CPEB3: variants seen among roughly 807,000 people sequenced by gnomAD.
The protein encoded by CPEB3 is cytoplasmic polyadenylation element-binding protein 3.
CPEB3 carries 20 observed loss-of-function variants against 67.2 expected under a neutral mutation model. That is an observed-to-expected ratio of 0.30 (90% confidence interval 0.21 to 0.43). The LOEUF (loss-of-function observed/expected upper bound fraction) is 0.43, where lower values mean the gene tolerates loss of function less well. CPEB3 is among the 20% of genes least tolerant of loss of function. CPEB3 has a pLI of 1.00. For synonymous variants in CPEB3, 376 were observed against 393.1 expected, an observed-to-expected ratio of 0.96 and a Z score of 0.51; for missense variants, 746 against 968.6, an observed-to-expected ratio of 0.77 and a Z score of 3.05.
intron 4 of CPEB3, among the ~76,000 whole-genome samples, chr10:92,174,852 A>G (rs1848153669): frequency 6.6e-6 from 1 of 152,188 alleles, no homozygotes; most frequent in Admixed American, 6.5e-5. Context: ...TTATATTACA[A>G]AGCTATGATC....
chr10:92,099,496 T>C (rs772748903), intron 7 of CPEB3, among the ~76,000 whole-genome samples: 3 of 152,022 alleles, frequency 2.0e-5, no homozygotes, highest in African/African-American at 7.2e-5. Flanking sequence ...TATGATAACA[T>C]CATTTCCTAA....
chr10:92,207,587 C>T (rs560735367), intron 2 of CPEB3, among the ~76,000 whole-genome samples: 6 of 152,212 alleles, frequency 3.9e-5, no homozygotes, highest in South Asian at 2.1e-4. Context: ...TTAATCACCA[C>T]GCAGCCAGGC....
At chr10:92,176,330 T>A (rs930259681) in intron 4 of CPEB3, among the ~76,000 whole-genome samples, 4 of 152,212 alleles carry the variant, frequency 2.6e-5, no homozygotes, top group Non-Finnish European at 5.9e-5. Flanking sequence ...AATATATATA[T>A]AACCACTTTC....
chr10:92,213,189 C>A (rs148242677), intron 2 of CPEB3, among the ~76,000 whole-genome samples: 14 of 152,184 alleles, frequency 9.2e-5, no homozygotes, highest in African/African-American at 3.4e-4. Flanking sequence ...AGTACCCTAA[C>A]TTCTCCCATC....
At chr10:92,149,508 G>A (rs1015978185) in intron 4 of CPEB3, among the ~76,000 whole-genome samples, 1 of 152,180 alleles carries the variant, frequency 6.6e-6, no homozygotes, top group Non-Finnish European at 1.5e-5. Flanking sequence ...TTTCTGCATG[G>A]CCAACATAAC....
At chr10:92,106,158 G>T (rs1030103832) in intron 7 of CPEB3, among the ~76,000 whole-genome samples, 14 of 151,594 alleles carry the variant, frequency 9.2e-5, no homozygotes, top group South Asian at 8.3e-4. Flanking sequence ...CTCCCAAAGT[G>T]CTGGGATTAC....
chr10:92,065,342 G>A lies in CPEB3; in HGVS notation c.1870-12903C>T, dbSNP rs537143976. Among the ~76,000 whole-genome samples the A allele has an allele frequency of 1.6e-4, 25 of 152,194 alleles. No homozygotes were observed. In the East Asian group the frequency reaches 2.5e-3, roughly 15 times the overall value. ...TTCAAGTGATTCTCGTGCATCAGCC[G>A]CCCGAGTAGCTGGAATTACAGGCAT... is the stretch of plus-strand genomic sequence containing the variant. On this transcript the variant is annotated intron_variant, in intron 9 of 9. Transcript: ENST00000265997.
intron 2 of CPEB3, chr10:92,204,156 G>C (rs1446029635): frequency 1.3e-5 from 2 of 151,994 alleles, no homozygotes. Flanking sequence ...AGCATCACTG[G>C]GCCGTAAAAG....
chr10:92,058,578 T>TACAA (rs1564745054), intron 9 of CPEB3, among the ~76,000 whole-genome samples: 1 of 120,742 alleles, frequency 8.3e-6, no homozygotes, highest in African/African-American at 2.8e-5. Flanking sequence ...CATACATACA[T>TACAA]ACATACATAC....
intron 7 of CPEB3, among the ~76,000 whole-genome samples, chr10:92,107,092 G>A (rs1844511782): frequency 6.6e-6 from 1 of 152,056 alleles, no homozygotes; most frequent in Non-Finnish European, 1.5e-5. Flanking sequence ...GGGGGAGGAG[G>A]AAACACCAGA....
chr10:92,137,134 G>C (rs1292488067), intron 6 of CPEB3: 1 of 329,388 alleles, frequency 3.0e-6, no homozygotes, highest in Non-Finnish European at 5.9e-6. Context: ...GCAGTAGATT[G>C]AATTAGATCT....
At chr10:92,262,700 A>C (rs1852858808) in intron 1 of CPEB3, among the ~76,000 whole-genome samples, 1 of 152,152 alleles carries the variant, frequency 6.6e-6, no homozygotes, top group Non-Finnish European at 1.5e-5. Flanking sequence ...TTTTTAAAAA[A>C]TAAATAAATA....
chr10:92,078,588 C>T (rs7084059), intron 9 of CPEB3, among the ~76,000 whole-genome samples: 51,108 of 151,860 alleles, frequency 0.34, 8,777 homozygotes, highest in Admixed American at 0.39. Context: ...TGGCTGCTAC[C>T]TTAAATGTTT....
At chr10:92,191,691 C>T (rs1053521965) in intron 3 of CPEB3, among the ~76,000 whole-genome samples, 3 of 152,196 alleles carry the variant, frequency 2.0e-5, no homozygotes, top group Non-Finnish European at 2.9e-5. Context: ...ATGGCTACCT[C>T]TTCACAGTTT....
chr10:92,157,275 G>T (rs1196229600), intron 4 of CPEB3, among the ~76,000 whole-genome samples: 1 of 152,124 alleles, frequency 6.6e-6, no homozygotes, highest in East Asian at 1.9e-4. Context: ...ATTTACAGAT[G>T]AGCATACCAA....
intron 1 of CPEB3, among the ~76,000 whole-genome samples, chr10:92,244,785 C>T (rs2134727570): frequency 6.6e-6 from 1 of 152,160 alleles, no homozygotes; most frequent in South Asian, 2.1e-4. Flanking sequence ...CTATTTTAAC[C>T]TCATGATTCC....
At chr10:92,170,121 T>C (rs1265646228) in intron 4 of CPEB3, among the ~76,000 whole-genome samples, 4 of 152,162 alleles carry the variant, frequency 2.6e-5, no homozygotes, top group Non-Finnish European at 5.9e-5. Context: ...TAGTCTCTTC[T>C]ACTCCCTAGG....
chr10:92,233,845 C>G (rs887425442), intron 2 of CPEB3, among the ~76,000 whole-genome samples: 1 of 152,106 alleles, frequency 6.6e-6, no homozygotes, highest in Non-Finnish European at 1.5e-5. Context: ...TGCGGTGGCT[C>G]ATGCCGGTAA....
intron 4 of CPEB3, among the ~76,000 whole-genome samples, chr10:92,164,255 A>G (rs1010288204): frequency 1.3e-5 from 2 of 152,238 alleles, no homozygotes; most frequent in South Asian, 4.1e-4. Flanking sequence ...TAAGCAGCAG[A>G]GCTGGGACTG....
Sources: gnomAD v4.1 joint callset for allele counts (sites outside exome capture counted in the v4.1 genomes callset) on GRCh38, gnomAD v4.1.1 for gene constraint, MANE v1.5 for transcripts, NCBI Gene and HGNC (gene_info 2026-07-23, HGNC 2026-07-21) for gene names.